Variants in OCA2 observed in about 807,000 individuals in gnomAD.
OCA2 encodes the protein P protein.
Under a neutral mutation model 100.2 loss-of-function variants are expected in OCA2, and 77 were observed. That is an observed-to-expected ratio of 0.77 (90% confidence interval 0.64 to 0.93). The LOEUF is 0.93. Ranked by LOEUF, OCA2 falls within the 40% of genes least tolerant of loss-of-function variation. The pLI is 0.00. For missense variants in OCA2, 1,062 were observed against 1,089.1 expected, an observed-to-expected ratio of 0.98 and a Z score of 0.35; for synonymous variants, 432 against 439.2, an observed-to-expected ratio of 0.98 and a Z score of 0.21.
chr15:28,055,608 TGCTGTGGG>T (rs2043667613), intron 2 of OCA2, among the ~76,000 whole-genome samples: 1 of 152,202 alleles, frequency 6.6e-6, no homozygotes, highest in Non-Finnish European at 1.5e-5. Flanking sequence ...ATGTGTGGAA[TGCTGTGGG>T]GCCTGGCCCC....
At chr15:27,870,560 G>T (rs534388570) in intron 21 of OCA2, among the ~76,000 whole-genome samples, 2 of 152,092 alleles carry the variant, frequency 1.3e-5, no homozygotes, top group African/African-American at 2.4e-5. Flanking sequence ...GAAAGATCTT[G>T]CCCAGGCCAA....
intron 19 of OCA2, among the ~76,000 whole-genome samples, chr15:27,888,191 C>A (rs960532495): frequency 6.6e-6 from 1 of 152,186 alleles, no homozygotes. Flanking sequence ...CAAGGCAGCA[C>A]CCAGCAGCAC....
chr15:28,018,265 A>T, intron 7 of OCA2, 132 bp downstream of exon 7: 2 of 793,678 alleles, frequency 2.5e-6, no homozygotes, highest in East Asian at 5.1e-5. Flanking sequence ...AAAGATAAGA[A>T]GAGCCAATGA....
At chr15:27,968,321 C>T (rs1178850689) in intron 14 of OCA2, among the ~76,000 whole-genome samples, 1 of 146,986 alleles carries the variant, frequency 6.8e-6, no homozygotes, top group Non-Finnish European at 1.5e-5. Context: ...GGGTCAGAGG[C>T]ACAGTGACAA....
intron 19 of OCA2, chr15:27,895,920 T>A (rs1044553435): frequency 9.4e-6 from 6 of 636,782 alleles, no homozygotes; most frequent in Admixed American, 2.0e-5. Context: ...GAAGGGGATA[T>A]GATAGTACGC....
At chr15:27,893,790 A>G (rs1290730511) in intron 19 of OCA2, among the ~76,000 whole-genome samples, 1 of 152,142 alleles carries the variant, frequency 6.6e-6, no homozygotes, top group Non-Finnish European at 1.5e-5. Context: ...CAATACGTGC[A>G]CCGCTGAACA....
intron 15 of OCA2, among the ~76,000 whole-genome samples, chr15:27,961,216 C>A (rs1354142359): frequency 1.3e-5 from 2 of 152,186 alleles, no homozygotes; most frequent in Non-Finnish European, 2.9e-5. Context: ...TACCACTGGT[C>A]ATTAGAGAAA....
chr15:27,748,310 T>A, the OCA2 span, among the ~76,000 whole-genome samples: 2 of 151,892 alleles, frequency 1.3e-5, no homozygotes, highest in African/African-American at 4.8e-5. Context: ...GCTCCATAGT[T>A]GGGGGAGAAC....
At chr15:28,031,994 G>A (rs2042918075) in intron 3 of OCA2, 71 bp downstream of exon 3, 2 of 1,175,932 alleles carry the variant, frequency 1.7e-6, no homozygotes, top group African/African-American at 3.0e-5. Flanking sequence ...CGTGTCTCAA[G>A]TTCTCCAGCA....
intron 2 of OCA2, among the ~76,000 whole-genome samples, chr15:28,069,795 C>G (rs886201999): frequency 7.3e-6 from 1 of 136,532 alleles, no homozygotes; most frequent in Non-Finnish European, 1.5e-5. Flanking sequence ...CCCAAAGTGC[C>G]GAGATTGCAG....
chr15:27,820,735 A>G (rs1282716885), intron 23 of OCA2, among the ~76,000 whole-genome samples: 1 of 152,216 alleles, frequency 6.6e-6, no homozygotes, highest in Non-Finnish European at 1.5e-5. Flanking sequence ...TTATTCAAAA[A>G]CGGCCTCAAG....
chr15:27,966,302 C>T (rs1284704185), intron 15 of OCA2, among the ~76,000 whole-genome samples: 1 of 152,176 alleles, frequency 6.6e-6, no homozygotes, highest in East Asian at 1.9e-4. Context: ...TGACAGGGCC[C>T]ATCACCTCCT....
intron 9 of OCA2, 94 bp from the exon 10 acceptor site, chr15:27,990,741 C>T: frequency 1.0e-6 from 1 of 982,728 alleles, no homozygotes. Flanking sequence ...CTATATCTGC[C>T]ACTGTGTACC....
chr15:27,956,173 A>G (rs1157572973), intron 16 of OCA2, among the ~76,000 whole-genome samples: 1 of 152,030 alleles, frequency 6.6e-6, no homozygotes, highest in Non-Finnish European at 1.5e-5. Context: ...AACACGGAGA[A>G]ACCCCGTCTC....
downstream of OCA2, among the ~76,000 whole-genome samples, chr15:27,751,806 G>A (rs1056965477): frequency 5.3e-5 from 8 of 152,218 alleles, no homozygotes; most frequent in Non-Finnish European, 1.2e-4. Context: ...GTTCTGACTA[G>A]TGTACTAGTC....
intron 9 of OCA2, among the ~76,000 whole-genome samples, chr15:28,004,163 T>C (rs1296834425): frequency 1.3e-5 from 2 of 152,194 alleles, no homozygotes; most frequent in Non-Finnish European, 2.9e-5. Context: ...GTTTTCAACA[T>C]GGAAAAGCAG....
At chr15:27,987,029 G>A (rs1032702391) in intron 11 of OCA2, among the ~76,000 whole-genome samples, 4 of 152,238 alleles carry the variant, frequency 2.6e-5, no homozygotes, top group Non-Finnish European at 5.9e-5. Context: ...GAGCCAGCAT[G>A]TGGCCTTCTG....
At chr15:27,745,017 C>A in the OCA2 span, among the ~76,000 whole-genome samples, 1 of 152,176 alleles carries the variant, frequency 6.6e-6, no homozygotes, top group Non-Finnish European at 1.5e-5. Context: ...AAAGAACCTG[C>A]AGTATTTTAC....
chr15:28,081,528 G>A, intron 2 of OCA2, 120 bp downstream of exon 2: 2 of 915,388 alleles, frequency 2.2e-6, no homozygotes, highest in Admixed American at 2.0e-5. Flanking sequence ...ATCTAATGCT[G>A]GAAAAATTCT....
Sources: allele counts gnomAD v4.1 joint callset (sites outside exome capture counted in the v4.1 genomes callset), GRCh38; gene constraint gnomAD v4.1.1; transcripts MANE v1.5; gene names NCBI Gene and HGNC (gene_info 2026-07-23, HGNC 2026-07-21).